HEPHL1: variants seen among roughly 807,000 people sequenced by gnomAD.
HEPHL1 encodes hephaestin like 1.
HEPHL1 carries 123 observed loss-of-function variants against 122.0 expected under a neutral mutation model. The ratio of observed to expected loss-of-function variants is 1.01; its 90% CI spans 0.87 to 1.17. The LOEUF is 1.17. Ranked by LOEUF, HEPHL1 falls within the 50% of genes most tolerant of loss-of-function variation. The pLI is 0.00. For synonymous variants in HEPHL1, 527 were observed against 508.9 expected (o/e 1.04, Z -0.48); for missense variants, 1,452 against 1,430.5 (o/e 1.01, Z -0.24).
intron 13 of HEPHL1, among the ~76,000 whole-genome samples, chr11:94,096,970 C>A (rs1175175423): frequency 6.6e-6 from 1 of 152,142 alleles, no homozygotes; most frequent in Non-Finnish European, 1.5e-5. Context: ...AAAAAACCAG[C>A]TCCTGGATTC....
intron 12 of HEPHL1, 109 bp downstream of exon 12, chr11:94,089,077 G>A (rs1452723185): frequency 1.8e-5 from 18 of 997,946 alleles, no homozygotes; most frequent in Non-Finnish European, 2.5e-5. Context: ...CCACAGTTCC[G>A]GCCGACAGAG....
At chr11:94,108,667 C>T (rs1256787463) in intron 17 of HEPHL1, among the ~76,000 whole-genome samples, 1 of 151,832 alleles carries the variant, frequency 6.6e-6, no homozygotes, top group Non-Finnish European at 1.5e-5. Context: ...TTTTTTCCCA[C>T]AGAATTGACT....
intron 1 of HEPHL1, among the ~76,000 whole-genome samples, chr11:94,028,122 C>T (rs982317867): frequency 6.6e-6 from 1 of 152,064 alleles, no homozygotes; most frequent in African/African-American, 2.4e-5. Flanking sequence ...ATTTCCCTGC[C>T]CTCTACACAG....
In HEPHL1 at chr11:94,073,394, G is replaced by T; in HGVS notation, c.1459G>T (p.Gly487Cys). ...CAAGGTCTATAGCATTTTACCCCAT[G>T]GTGTGATCTATGACAAGGCATCTGA... ...ADKVYSILPH[G>C]VIYDKASDAA... The change falls in exon 8 of 20, where the codon GGT becomes TGT. Residue 487 changes from glycine to cysteine, a missense_variant. Transcript: ENST00000315765. 3.8e-6 allele frequency: 6 copies of T among 1,565,640 alleles called. No individual in the cohort carries two copies. Among genetic ancestry groups the T allele is most frequent in the Non-Finnish European group, 5.2e-6 (6 of 1,153,828 alleles).
intron 1 of HEPHL1, among the ~76,000 whole-genome samples, chr11:94,035,213 C>T (rs547447022): frequency 6.6e-6 from 1 of 152,328 alleles, no homozygotes; most frequent in Admixed American, 6.5e-5. Context: ...GTGTCTCTCC[C>T]TCTGTCCTAA....
chr11:94,081,311 G>A (rs987013679), intron 9 of HEPHL1, among the ~76,000 whole-genome samples: 1 of 152,168 alleles, frequency 6.6e-6, no homozygotes, highest in Non-Finnish European at 1.5e-5. Flanking sequence ...GGTGGAGGGA[G>A]GAAGAGCATC....
intron 12 of HEPHL1, 100 bp from the exon 13 acceptor site, chr11:94,093,401 T>C: frequency 7.4e-7 from 1 of 1,355,714 alleles, no homozygotes; most frequent in Admixed American, 1.9e-5. Context: ...CACAGCCAGG[T>C]TTGGGGAGCA....
intron 12 of HEPHL1, among the ~76,000 whole-genome samples, chr11:94,089,753 T>A (rs2134443923): frequency 6.6e-6 from 1 of 152,272 alleles, no homozygotes; most frequent in Non-Finnish European, 1.5e-5. Flanking sequence ...GTATTACTGT[T>A]CTGATATGCA....
At chr11:94,068,219 C>A (rs1346379376) in intron 5 of HEPHL1, among the ~76,000 whole-genome samples, 2 of 152,118 alleles carry the variant, frequency 1.3e-5, no homozygotes, top group African/African-American at 4.8e-5. Flanking sequence ...GGGAAAAACA[C>A]ATGTTCTTTT....
chr11:94,077,811 C>T (rs993507606), intron 9 of HEPHL1, among the ~76,000 whole-genome samples: 1 of 152,206 alleles, frequency 6.6e-6, no homozygotes, highest in Non-Finnish European at 1.5e-5. Context: ...CTCTCTCAGG[C>T]CAAGCTTGTC....
At chr11:94,046,017 T>C in intron 2 of HEPHL1, 100 bp downstream of exon 2, 2 of 1,006,444 alleles carry the variant, frequency 2.0e-6, no homozygotes, top group Non-Finnish European at 2.9e-6. Context: ...ATTACATGGA[T>C]ATATTTATCT....
At chr11:94,069,275 T>C (rs2134431312) in intron 5 of HEPHL1, among the ~76,000 whole-genome samples, 1 of 152,132 alleles carries the variant, frequency 6.6e-6, no homozygotes, top group South Asian at 2.1e-4. Context: ...AATTAGAAAA[T>C]ACATATAATT....
At chr11:94,099,907 C>T (rs547754138) in intron 13 of HEPHL1, among the ~76,000 whole-genome samples, 1 of 152,304 alleles carries the variant, frequency 6.6e-6, no homozygotes, top group South Asian at 2.1e-4. Context: ...CAGGTGCCAT[C>T]TGTCACAGCT....
In HEPHL1 at chr11:94,073,146, G is replaced by A. The variant is rs1419273135; in HGVS notation, c.1354G>A (p.Ala452Thr). The stretch of plus-strand genomic sequence containing the variant: ...AAGAAAGAGACTCTCTGCTGAAGAA[G>A]CCCATCTTGGAATTCTTGGTACAGT... The part of the protein sequence containing the change: ...TKRKRLSAEE[A>T]HLGILGPVIK... The change falls in exon 7 of 20, where the codon GCC becomes ACC. Residue 452 changes from alanine (A) to threonine (T), a missense_variant. By Grantham distance (58) the Ala-to-Thr change is moderately conservative (BLOSUM62 0). Coordinates refer to ENST00000315765, the MANE Select transcript of HEPHL1 (RefSeq NM_001098672.2). 1 of 1,613,024 alleles carries A rather than the reference G, an allele frequency of 6.2e-7. No individual in the cohort carries two copies. Among genetic ancestry groups the A allele is most frequent in the Non-Finnish European group, 8.5e-7 (1 of 1,179,454 alleles).
chr11:94,045,134 C>T (rs1013920998), intron 1 of HEPHL1, among the ~76,000 whole-genome samples: 1 of 152,208 alleles, frequency 6.6e-6, no homozygotes, highest in Non-Finnish European at 1.5e-5. Flanking sequence ...TCTCAAACTC[C>T]TAGGCTCAAG....
intron 13 of HEPHL1, among the ~76,000 whole-genome samples, chr11:94,094,998 A>C (rs1371036069): frequency 6.6e-6 from 1 of 152,138 alleles, no homozygotes; most frequent in African/African-American, 2.4e-5. Flanking sequence ...TCTTTAGTTT[A>C]ATTAGATACG....
At chr11:94,057,194 C>T (rs983777701) in intron 2 of HEPHL1, among the ~76,000 whole-genome samples, 2 of 152,148 alleles carry the variant, frequency 1.3e-5, no homozygotes, top group East Asian at 3.9e-4. Context: ...TTTTGTCTTC[C>T]TTTCCTCTTT....
chr11:94,101,267 C>T lies in HEPHL1; in HGVS notation c.2507C>T (p.Ser836Phe). ...IFKNKASRPYSISAQGVEEMD... is the reference protein window; with the variant it reads ...IFKNKASRPYFISAQGVEEMD... Reference sequence around the variant, plus strand: ...AAGAACAAAGCCAGTAGGCCCTACTCCATCTCAGCCCAGGGTGTGGAGGAG... The same window carrying T: ...AAGAACAAAGCCAGTAGGCCCTACTTCATCTCAGCCCAGGGTGTGGAGGAG... Residue 836 changes from serine to phenylalanine, a missense_variant, in exon 14 of 20, where the codon TCC (serine) becomes TTC (phenylalanine). Transcript: ENST00000315765. The T allele has an allele frequency of 1.2e-6, 2 of 1,613,952 alleles. No individual in the cohort carries two copies. Among genetic ancestry groups the T allele is most frequent in the Non-Finnish European group, 8.5e-7 (1 of 1,179,844 alleles).
At chr11:94,098,326 T>C (rs1038131369) in intron 13 of HEPHL1, among the ~76,000 whole-genome samples, 4 of 152,238 alleles carry the variant, frequency 2.6e-5, no homozygotes, top group African/African-American at 9.6e-5. Flanking sequence ...TCTTTAAGTA[T>C]GTTGAATATT....
Sources: gnomAD v4.1 joint callset for allele counts (sites outside exome capture counted in the v4.1 genomes callset) on GRCh38, gnomAD v4.1.1 for gene constraint, MANE v1.5 for transcripts, NCBI Gene and HGNC (gene_info 2026-07-23, HGNC 2026-07-21) for gene names.